Variants in LDB2 observed in about 807,000 individuals in gnomAD.
LDB2 encodes LIM domain binding 2.
A neutral mutation model predicts 44.3 loss-of-function variants in LDB2; 12 were observed. That is an observed-to-expected ratio of 0.27 (90% CI 0.17 to 0.44). The LOEUF (loss-of-function observed/expected upper bound fraction) is 0.44. Among genes scored for constraint, LDB2 ranks in the 20% least tolerant of loss-of-function variants. LDB2 has a pLI of 1.00. For missense variants in LDB2, 344 were observed against 473.5 expected, an observed-to-expected ratio of 0.73 and a Z score of 2.54; for synonymous variants, 164 against 174.8, an observed-to-expected ratio of 0.94 and a Z score of 0.49.
chr4:16,555,620 C>T (rs192142215), intron 5 of LDB2, among the ~76,000 whole-genome samples: 54 of 152,264 alleles, frequency 3.5e-4, no homozygotes, highest in African/African-American at 6.5e-4. Context: ...TTCTTGAATG[C>T]GAAACTTCTA....
At chr4:16,731,981 T>C (rs1178496694) in intron 2 of LDB2, among the ~76,000 whole-genome samples, 1 of 152,230 alleles carries the variant, frequency 6.6e-6, no homozygotes, top group Non-Finnish European at 1.5e-5. Context: ...ATTCTAAGAA[T>C]GTCCCAACAG....
intron 2 of LDB2, among the ~76,000 whole-genome samples, chr4:16,643,469 G>T (rs1054030664): frequency 1.3e-5 from 2 of 152,028 alleles, no homozygotes; most frequent in Non-Finnish European, 2.9e-5. Flanking sequence ...ACAAAATAAG[G>T]CCTAAATGTT....
intron 1 of LDB2, among the ~76,000 whole-genome samples, chr4:16,769,389 T>C (rs1770116168): frequency 6.6e-6 from 1 of 152,048 alleles, no homozygotes; most frequent in Non-Finnish European, 1.5e-5. Context: ...CTCCGCCCCT[T>C]GGGTTCAAGC....
chr4:16,602,216 G>C (rs773163574), intron 2 of LDB2, among the ~76,000 whole-genome samples: 1 of 152,160 alleles, frequency 6.6e-6, no homozygotes, highest in South Asian at 2.1e-4. Flanking sequence ...AGGAGACAGA[G>C]AATAAACTTG....
At chr4:16,876,414 G>A (rs891967920) in intron 1 of LDB2, among the ~76,000 whole-genome samples, 3 of 152,186 alleles carry the variant, frequency 2.0e-5, no homozygotes, top group Admixed American at 1.3e-4. Flanking sequence ...AGAGCCTGGA[G>A]TTTAAAAGAT....
chr4:16,764,968 A>T lies in LDB2; in HGVS notation c.133-5708T>A, dbSNP rs531269920. Reference sequence around the variant, plus strand: ...CTTACTCCACACACATAATCATCACACGTTAAACTAACTTGGAGATTAACC... The same window carrying T: ...CTTACTCCACACACATAATCATCACTCGTTAAACTAACTTGGAGATTAACC... On this transcript the variant is annotated intron_variant, in intron 1 of 7. Transcript: ENST00000304523. Among the ~76,000 whole-genome samples the T allele has an allele frequency of 1.3e-4, 20 of 152,294 alleles. No homozygotes were observed. The South Asian group carries it at 4.1e-3, about 32-fold the overall frequency.
chr4:16,754,114 C>T (rs961174529), intron 2 of LDB2, among the ~76,000 whole-genome samples: 7 of 152,224 alleles, frequency 4.6e-5, no homozygotes, highest in Non-Finnish European at 1.0e-4. Context: ...TGCCCACTTA[C>T]ACATAGTTTA....
At chr4:16,852,347 T>A (rs1788441350) in intron 1 of LDB2, among the ~76,000 whole-genome samples, 1 of 152,216 alleles carries the variant, frequency 6.6e-6, no homozygotes, top group African/African-American at 2.4e-5. Context: ...CAGCGTCAGA[T>A]ACACGAAAAG....
chr4:16,563,182 A>C (rs1397437427), intron 5 of LDB2, among the ~76,000 whole-genome samples: 1 of 151,814 alleles, frequency 6.6e-6, no homozygotes, highest in African/African-American at 2.4e-5. Context: ...TAACCTGCAC[A>C]TTGTGCACAT....
chr4:16,649,644 C>T (rs1028288390), intron 2 of LDB2, among the ~76,000 whole-genome samples: 29 of 152,330 alleles, frequency 1.9e-4, no homozygotes, highest in East Asian at 1.7e-3. Flanking sequence ...TTCTGTACCT[C>T]AGTTCCCTCA....
intron 2 of LDB2, among the ~76,000 whole-genome samples, chr4:16,751,804 T>C (rs1400402491): frequency 6.6e-6 from 1 of 152,136 alleles, no homozygotes; most frequent in Non-Finnish European, 1.5e-5. Context: ...CATGAATGAG[T>C]GCAGGAACAA....
intron 2 of LDB2, among the ~76,000 whole-genome samples, chr4:16,675,937 A>G (rs558625823): frequency 1.3e-5 from 2 of 152,342 alleles, no homozygotes; most frequent in South Asian, 4.1e-4. Flanking sequence ...TTTGTGCCTG[A>G]TTAAACAAAA....
chr4:16,676,025 T>C (rs1265691385), intron 2 of LDB2, among the ~76,000 whole-genome samples: 1 of 152,194 alleles, frequency 6.6e-6, no homozygotes, highest in Non-Finnish European at 1.5e-5. Context: ...AATAACAGTA[T>C]TTTATACCCA....
rs991009594 is a variant in LDB2, at chr4:16,624,334, C to A, written c.236-28459G>T. Among the ~76,000 whole-genome samples, 4 of 152,070 alleles carry A rather than the reference C, an allele frequency of 2.6e-5. No individual in the cohort carries two copies. In the East Asian group the frequency reaches 5.8e-4, roughly 22 times the overall value. On this transcript the variant is annotated intron_variant, in intron 2 of 7. Transcript: ENST00000304523. Reference sequence around the variant, plus strand: ...CTAGTCTCGAACTCCTGGGCTCAAGCAATACACCTGCCTCAGTCTCCCAAA... The same window carrying A: ...CTAGTCTCGAACTCCTGGGCTCAAGAAATACACCTGCCTCAGTCTCCCAAA...
At chr4:16,557,156 C>T (rs151294048) in intron 5 of LDB2, among the ~76,000 whole-genome samples, 10 of 152,288 alleles carry the variant, frequency 6.6e-5, no homozygotes, top group African/African-American at 9.6e-5. Context: ...ACGCAGAAGA[C>T]GGGTGATTTC....
intron 5 of LDB2, among the ~76,000 whole-genome samples, chr4:16,547,781 G>A (rs1181499351): frequency 6.6e-6 from 1 of 151,910 alleles, no homozygotes; most frequent in African/African-American, 2.4e-5. Context: ...TTTGAACTTG[G>A]GCCAGTTTTC....
intron 5 of LDB2, among the ~76,000 whole-genome samples, chr4:16,532,091 G>A (rs1419979611): frequency 7.5e-6 from 1 of 134,070 alleles, no homozygotes; most frequent in East Asian, 2.6e-4. Flanking sequence ...GCCGGGGGAG[G>A]GAATCAGCCT....
At chr4:16,657,198 C>T (rs1740119197) in intron 2 of LDB2, among the ~76,000 whole-genome samples, 1 of 152,172 alleles carries the variant, frequency 6.6e-6, no homozygotes, top group African/African-American at 2.4e-5. Context: ...AAGGCTGTTA[C>T]TGGGAAATGT....
chr4:16,656,373 C>T (rs1009608129), intron 2 of LDB2, among the ~76,000 whole-genome samples: 2 of 152,174 alleles, frequency 1.3e-5, no homozygotes, highest in Admixed American at 6.5e-5. Flanking sequence ...AGTCCTGTAG[C>T]GCAGCCCCTT....
Sources: gnomAD v4.1 joint callset for allele counts (sites outside exome capture counted in the v4.1 genomes callset) on GRCh38, gnomAD v4.1.1 for gene constraint, MANE v1.5 for transcripts, NCBI Gene and HGNC (gene_info 2026-07-23, HGNC 2026-07-21) for gene names.